PAK1: variants seen among roughly 807,000 people sequenced by gnomAD.
PAK1 encodes serine/threonine-protein kinase PAK 1.
A neutral mutation model predicts 67.4 loss-of-function variants in PAK1; 29 were observed. The ratio of observed to expected loss-of-function variants is 0.43; its 90% CI spans 0.32 to 0.59. The LOEUF (loss-of-function observed/expected upper bound fraction) is 0.59. Among genes scored for constraint, PAK1 ranks in the 20% least tolerant of loss-of-function variants. The pLI is 0.07. For synonymous variants in PAK1, 223 were observed against 237.4 expected (o/e 0.94, Z 0.56); for missense variants, 337 against 670.7 (o/e 0.50, Z 5.50).
At chr11:77,330,716 T>C (rs1010832341) in intron 14 of PAK1, among the ~76,000 whole-genome samples, 15 of 152,188 alleles carry the variant, frequency 9.9e-5, no homozygotes, top group African/African-American at 2.9e-4. Context: ...ATTCAGGACA[T>C]AGGCATGGGC....
upstream of PAK1, chr11:77,475,255 C>A (rs1395439501): frequency 1.3e-5 from 2 of 152,222 alleles, no homozygotes; most frequent in Non-Finnish European, 2.9e-5. Context: ...AAGTTGGACA[C>A]CAAGTCTTGT....
the PAK1 span, among the ~76,000 whole-genome samples, chr11:77,495,179 T>C: frequency 6.8e-6 from 1 of 146,768 alleles, no homozygotes; most frequent in Admixed American, 6.8e-5. Context: ...AAAAAATTTT[T>C]TTTTAAATTA....
chr11:77,475,264 G>A (rs763789079), upstream of PAK1: 16 of 152,168 alleles, frequency 1.1e-4, no homozygotes, highest in Non-Finnish European at 2.1e-4. Flanking sequence ...ACCAAGTCTT[G>A]TAGCTTCTCC....
chr11:77,435,308 A>G (rs553291573), intron 1 of PAK1, among the ~76,000 whole-genome samples: 8 of 152,270 alleles, frequency 5.3e-5, no homozygotes, highest in African/African-American at 1.7e-4. Flanking sequence ...GGGTCAGTCA[A>G]GTTGAGGTCA....
the PAK1 span, among the ~76,000 whole-genome samples, chr11:77,503,537 T>C: frequency 6.6e-4 from 100 of 152,362 alleles, 1 homozygote; most frequent in Middle Eastern, 0.01. Flanking sequence ...TCTCTATCAA[T>C]ATTAGCCATA....
At chr11:77,324,792 C>CAG (rs927542996) in intron 14 of PAK1, among the ~76,000 whole-genome samples, 5 of 139,238 alleles carry the variant, frequency 3.6e-5, no homozygotes, top group East Asian at 2.0e-4. Flanking sequence ...GAGAGAGAGA[C>CAG]AGAGAGAGAG....
intron 1 of PAK1, among the ~76,000 whole-genome samples, chr11:77,405,208 G>C (rs1445989857): frequency 1.3e-5 from 2 of 152,232 alleles, no homozygotes; most frequent in Non-Finnish European, 2.9e-5. Context: ...AGTAAACAAA[G>C]AGAAATATGG....
chr11:77,431,007 T>C (rs1337175460), intron 1 of PAK1, among the ~76,000 whole-genome samples: 1 of 152,074 alleles, frequency 6.6e-6, no homozygotes, highest in South Asian at 2.1e-4. Context: ...AGGATCTAGG[T>C]TGTGTGTTCC....
intron 11 of PAK1, among the ~76,000 whole-genome samples, chr11:77,338,471 A>G (rs1481397149): frequency 3.3e-5 from 5 of 152,262 alleles, no homozygotes; most frequent in African/African-American, 1.2e-4. Context: ...ATGATGAAAA[A>G]GAATTATCTT....
At chr11:77,524,106 C>T in the PAK1 span, among the ~76,000 whole-genome samples, 3 of 152,234 alleles carry the variant, frequency 2.0e-5, no homozygotes, top group Admixed American at 6.5e-5. Flanking sequence ...AAAATAAACG[C>T]ATATTATTTA....
chr11:77,362,226 A>G (rs746304316), intron 5 of PAK1, among the ~76,000 whole-genome samples: 3 of 152,206 alleles, frequency 2.0e-5, no homozygotes, highest in Non-Finnish European at 2.9e-5. Flanking sequence ...CCAGTTGACA[A>G]TAAGGAATAA....
At chr11:77,326,425 G>A (rs1487520857) in intron 14 of PAK1, among the ~76,000 whole-genome samples, 3 of 152,186 alleles carry the variant, frequency 2.0e-5, no homozygotes, top group African/African-American at 4.8e-5. Flanking sequence ...TGGGCATGGT[G>A]GCTGATGCCA....
chr11:77,401,508 T>C (rs2137715696), intron 1 of PAK1, among the ~76,000 whole-genome samples: 1 of 152,348 alleles, frequency 6.6e-6, no homozygotes, highest in South Asian at 2.1e-4. Context: ...TAAAAGCACC[T>C]AGCATGCTGC....
chr11:77,389,757 T>A (rs1950897498), intron 2 of PAK1, among the ~76,000 whole-genome samples: 1 of 152,236 alleles, frequency 6.6e-6, no homozygotes, highest in African/African-American at 2.4e-5. Flanking sequence ...TAGATACACA[T>A]CCATTATAAA....
At chr11:77,513,140 C>T in the PAK1 span, among the ~76,000 whole-genome samples, 1 of 152,086 alleles carries the variant, frequency 6.6e-6, no homozygotes, top group East Asian at 1.9e-4. Context: ...GACTCTTTGA[C>T]GTCATTGACT....
At chr11:77,408,949 A>G (rs925117990) in intron 1 of PAK1, among the ~76,000 whole-genome samples, 9 of 152,184 alleles carry the variant, frequency 5.9e-5, no homozygotes, top group African/African-American at 2.2e-4. Context: ...ATCTCACTCC[A>G]GTTAAAATGG....
At chr11:77,379,071 G>C (rs1949479810) in intron 4 of PAK1, 170 bp downstream of exon 4, 3 of 605,916 alleles carry the variant, frequency 5.0e-6, no homozygotes, top group Non-Finnish European at 8.7e-6. Flanking sequence ...ACTCAAGTTT[G>C]ATGCAAAGTC....
Position 77,332,434 on chromosome 11 carries a change from GGAAA to G in PAK1, c.1551+292_1551+295del, listed in dbSNP as rs1325467959. On this transcript the variant is annotated intron_variant, in intron 14 of 14. Coordinates refer to ENST00000356341, the MANE Select transcript of PAK1 (RefSeq NM_002576.5). The stretch of plus-strand genomic sequence containing the variant: ...GAAGGAAAGGGAAAGGAAGAAGAAA[GGAAA>G]GGAAGGAAGGAAGCAAGCAAAAAAG... Among the ~76,000 whole-genome samples, 899 of 146,452 alleles carry G rather than the reference GGAAA, an allele frequency of 6.1e-3. 20 individuals carry two copies. Among genetic ancestry groups the G allele is most frequent in the African/African-American group, 0.022 (851 of 39,158 alleles).
At chr11:77,336,357 T>C in intron 12 of PAK1, 75 bp from the exon 13 acceptor site, 1 of 1,121,488 alleles carries the variant, frequency 8.9e-7, no homozygotes, top group Non-Finnish European at 1.3e-6. Flanking sequence ...ACTGTGTACC[T>C]ACACATAGGT....
Sources: gnomAD v4.1 joint callset for allele counts (sites outside exome capture counted in the v4.1 genomes callset) on GRCh38, gnomAD v4.1.1 for gene constraint, MANE v1.5 for transcripts, NCBI Gene and HGNC (gene_info 2026-07-23, HGNC 2026-07-21) for gene names.